Variants in FGGY observed in about 807,000 individuals in gnomAD.
FGGY encodes FGGY carbohydrate kinase domain containing.
Under a neutral mutation model 71.3 loss-of-function variants are expected in FGGY, and 72 were observed. That is an observed-to-expected ratio of 1.01 (90% confidence interval 0.84 to 1.23). FGGY has a LOEUF of 1.23. Ranked by LOEUF, FGGY falls within the 50% of genes most tolerant of loss-of-function variation. The probability of loss-of-function intolerance (pLI) is 0.00; values close to 1 mark genes in which losing one functional copy is unlikely to be tolerated. For missense variants in FGGY, 668 were observed against 682.3 expected (o/e 0.98, Z 0.23); for synonymous variants, 251 against 250.3 (o/e 1.00, Z -0.02).
rs561896277 is a variant in FGGY, at chr1:59,695,948, T to A, written c.1512+21815T>A. The stretch of plus-strand genomic sequence containing the variant: ...TCAGAGAAAACTTTGAGCTTCTTCT[T>A]AGCAAAATAAAAACTTTCTAACCAT... On this transcript the variant is annotated intron_variant, in intron 14 of 15. Transcript: ENST00000303721. Among the ~76,000 whole-genome samples, 11 of 152,332 alleles carry A rather than the reference T, an allele frequency of 7.2e-5. No homozygotes were observed. In the South Asian group the frequency reaches 8.3e-4, roughly 11 times the overall value.
At chr1:59,349,363 G>T (rs1261268570) in intron 4 of FGGY, among the ~76,000 whole-genome samples, 2 of 152,146 alleles carry the variant, frequency 1.3e-5, no homozygotes, top group East Asian at 3.9e-4. Flanking sequence ...AGAAAGAAAA[G>T]TTATACTGAG....
chr1:59,366,735 T>A (rs1327765328), intron 4 of FGGY, among the ~76,000 whole-genome samples: 1 of 152,068 alleles, frequency 6.6e-6, no homozygotes, highest in East Asian at 1.9e-4. Context: ...CCTTCAGAAG[T>A]TTGTCATTTC....
intron 5 of FGGY, among the ~76,000 whole-genome samples, chr1:59,455,746 A>T (rs2091624609): frequency 6.6e-6 from 1 of 152,220 alleles, no homozygotes; most frequent in Admixed American, 6.5e-5. Flanking sequence ...ATGCTCTGGG[A>T]AATCAGAAGA....
chr1:59,685,941 T>C (rs188065665), intron 14 of FGGY, among the ~76,000 whole-genome samples: 1 of 152,268 alleles, frequency 6.6e-6, no homozygotes, highest in East Asian at 1.9e-4. Flanking sequence ...GTCAAAGAAT[T>C]ATACCAATTC....
chr1:59,651,570 G>C (rs936636582), intron 11 of FGGY, among the ~76,000 whole-genome samples: 2 of 147,768 alleles, frequency 1.4e-5, no homozygotes, highest in African/African-American at 5.1e-5. Flanking sequence ...GACTAGGATT[G>C]CAACCCCTGC....
At chr1:59,748,829 A>G (rs539554477) in intron 14 of FGGY, among the ~76,000 whole-genome samples, 98 of 152,216 alleles carry the variant, frequency 6.4e-4, no homozygotes, top group African/African-American at 2.2e-3. Flanking sequence ...GTGTATGGTA[A>G]TGAGATGACT....
chr1:59,330,875 C>G (rs2048339283), intron 2 of FGGY, among the ~76,000 whole-genome samples: 1 of 152,058 alleles, frequency 6.6e-6, no homozygotes, highest in African/African-American at 2.4e-5. Context: ...TTGAGATTGA[C>G]CAGTCTTGCA....
intron 5 of FGGY, among the ~76,000 whole-genome samples, chr1:59,385,167 C>T (rs1251606049): frequency 6.6e-6 from 1 of 151,706 alleles, no homozygotes; most frequent in Non-Finnish European, 1.5e-5. Context: ...CTCCATTTTC[C>T]TCTCCTCTCT....
chr1:59,693,200 T>C (rs1414174076), intron 14 of FGGY, among the ~76,000 whole-genome samples: 4 of 152,384 alleles, frequency 2.6e-5, no homozygotes, highest in South Asian at 2.1e-4. Flanking sequence ...AAGAGACAGC[T>C]TGACGTGCTA....
intron 6 of FGGY, among the ~76,000 whole-genome samples, chr1:59,460,743 A>G (rs1266979791): frequency 3.3e-5 from 5 of 152,178 alleles, no homozygotes; most frequent in African/African-American, 1.2e-4. Context: ...GTTCTGCAGT[A>G]TTTGTTGTTC....
Position 59,560,632 on chromosome 1 carries a change from C to CT in FGGY, c.903+6415dup, listed in dbSNP as rs779410444. Among the ~76,000 whole-genome samples, 391 of 149,286 alleles carry CT rather than the reference C, an allele frequency of 2.6e-3. 1 individual carries two copies. The highest frequency in any genetic ancestry group is 6.6e-3 in the African/African-American group (268 of 40,716). On this transcript the variant is annotated intron_variant, in intron 8 of 15. Coordinates refer to ENST00000303721, the MANE Select transcript of FGGY (RefSeq NM_018291.5). ...ATTAACTATTCACTCATAAAGAAAA[C>CT]TTTTTTTTTTAATTTACCTGGCTAA...
chr1:59,373,136 G>A (rs968916419), intron 4 of FGGY, among the ~76,000 whole-genome samples: 13 of 152,166 alleles, frequency 8.5e-5, no homozygotes, highest in African/African-American at 1.2e-4. Context: ...GTTTGCAGAC[G>A]ACATGATTGT....
chr1:59,472,202 C>T (rs557217159), intron 6 of FGGY, among the ~76,000 whole-genome samples: 3 of 152,254 alleles, frequency 2.0e-5, no homozygotes, highest in African/African-American at 4.8e-5. Context: ...GGTGTGGGCT[C>T]GGCGGACCCC....
chr1:59,646,446 T>A (rs1352202186), intron 11 of FGGY, among the ~76,000 whole-genome samples: 1 of 151,284 alleles, frequency 6.6e-6, no homozygotes, highest in Non-Finnish European at 1.5e-5. Flanking sequence ...TTTTCCAAAT[T>A]GGTCACAAAT....
At chr1:59,456,344 G>T in intron 5 of FGGY, among the ~76,000 whole-genome samples, 3 of 151,602 alleles carry the variant, frequency 2.0e-5, no homozygotes, top group Middle Eastern at 6.8e-3. Context: ...AAATAGCAAG[G>T]TTATAATTTC....
chr1:59,400,607 G>A (rs958994983), intron 5 of FGGY, among the ~76,000 whole-genome samples: 13 of 149,514 alleles, frequency 8.7e-5, no homozygotes, highest in Admixed American at 2.7e-4. Context: ...TGTCATTAGT[G>A]TTCTTGTAAC....
intron 8 of FGGY, among the ~76,000 whole-genome samples, chr1:59,558,297 A>G (rs1298083085): frequency 3.3e-5 from 5 of 152,204 alleles, no homozygotes; most frequent in Non-Finnish European, 1.5e-5. Flanking sequence ...GTATGAACTC[A>G]TATTGGGGGA....
rs77159502 is a variant in FGGY at position 59,458,104 on chromosome 1, A to G, written c.670+1028A>G. 2.1e-3 allele frequency among the ~76,000 whole-genome samples: 315 copies of G among 152,330 alleles called. 15 individuals carry two copies. The East Asian group carries it at 0.051, about 25-fold the overall frequency. ...ATGGGAGGACCTAGAAGGAACTAAT[A>G]TTTTACTGGAACACAAATTTCAGCT... On this transcript the variant is annotated intron_variant, in intron 6 of 15. Coordinates refer to ENST00000303721, the MANE Select transcript of FGGY (RefSeq NM_018291.5).
intron 5 of FGGY, among the ~76,000 whole-genome samples, chr1:59,420,660 T>C (rs2065243224): frequency 6.6e-6 from 1 of 152,214 alleles, no homozygotes; most frequent in Non-Finnish European, 1.5e-5. Context: ...CCAAATGTAT[T>C]TTTCCAAGTG....
Sources: gnomAD v4.1 joint callset for allele counts (sites outside exome capture counted in the v4.1 genomes callset) on GRCh38, gnomAD v4.1.1 for gene constraint, MANE v1.5 for transcripts, NCBI Gene and HGNC (gene_info 2026-07-23, HGNC 2026-07-21) for gene names.